CDYL2: variants seen among roughly 807,000 people sequenced by gnomAD.
The protein encoded by CDYL2 is chromodomain Y-like protein 2.
Under a neutral mutation model 49.4 loss-of-function variants are expected in CDYL2, and 23 were observed. The observed-to-expected ratio is 0.47, with a 90% CI of 0.34 to 0.66. CDYL2 has a LOEUF of 0.66. Ranked by LOEUF, CDYL2 falls within the 30% of genes least tolerant of loss-of-function variation. The pLI is 0.01. For missense variants in CDYL2, 678 were observed against 656.4 expected, an observed-to-expected ratio of 1.03 and a Z score of -0.36; for synonymous variants, 360 against 268.8, an observed-to-expected ratio of 1.34 and a Z score of -3.32.
intron 4 of CDYL2, among the ~76,000 whole-genome samples, chr16:80,618,120 C>A (rs1051455274): frequency 2.6e-5 from 4 of 152,220 alleles, no homozygotes; most frequent in Non-Finnish European, 4.4e-5. Context: ...CCCTTTGAAG[C>A]ATCGAGAAGA....
At chr16:80,791,058 G>T (rs1297006386) in intron 1 of CDYL2, among the ~76,000 whole-genome samples, 1 of 152,162 alleles carries the variant, frequency 6.6e-6, no homozygotes, top group African/African-American at 2.4e-5. Flanking sequence ...AGACTAAACA[G>T]ACGACTTCAA....
At chr16:80,718,957 TG>T (rs1223688411) in intron 1 of CDYL2, among the ~76,000 whole-genome samples, 1 of 152,110 alleles carries the variant, frequency 6.6e-6, no homozygotes, top group East Asian at 1.9e-4. Context: ...CAGATAGAAT[TG>T]TTCTTGGCAG....
chr16:80,616,832 C>A (rs1039927031), intron 4 of CDYL2, among the ~76,000 whole-genome samples: 1 of 152,214 alleles, frequency 6.6e-6, no homozygotes, highest in African/African-American at 2.4e-5. Flanking sequence ...TCTTTTTATT[C>A]TTTATCCTAG....
intron 1 of CDYL2, among the ~76,000 whole-genome samples, chr16:80,802,837 G>C (rs991953561): frequency 5.9e-5 from 9 of 152,316 alleles, no homozygotes; most frequent in Admixed American, 2.6e-4. Flanking sequence ...GAGCTTCTTA[G>C]GAATCACCCC....
intron 5 of CDYL2, among the ~76,000 whole-genome samples, chr16:80,609,927 G>A (rs1380242853): frequency 6.6e-6 from 1 of 152,104 alleles, no homozygotes; most frequent in African/African-American, 2.4e-5. Flanking sequence ...GTGTGACTCT[G>A]GGCAAGTCAC....
In CDYL2 at chr16:80,771,652, G is replaced by C. The variant is rs141232669; in HGVS notation, c.24+32498C>G. 3.3e-3 allele frequency among the ~76,000 whole-genome samples: 502 copies of C among 152,152 alleles called. 6 individuals are homozygous for C. Among genetic ancestry groups the C allele is most frequent in the African/African-American group, 0.012 (481 of 41,516 alleles). On this transcript the variant is annotated intron_variant, in intron 1 of 6. Transcript: ENST00000570137. ...CGCAGAAAATCGCTTGAATCCGGGAGGCAGGGATTGCAGTGAGCCAAGATC... is the reference window on the plus strand; with the variant it reads ...CGCAGAAAATCGCTTGAATCCGGGACGCAGGGATTGCAGTGAGCCAAGATC...
At chr16:80,730,876 AT>A (rs1905304143) in intron 1 of CDYL2, among the ~76,000 whole-genome samples, 1 of 152,250 alleles carries the variant, frequency 6.6e-6, no homozygotes, top group South Asian at 2.1e-4. Context: ...GTATGATCAC[AT>A]TTATATAAAA....
intron 1 of CDYL2, among the ~76,000 whole-genome samples, chr16:80,761,061 T>A (rs1906510742): frequency 6.6e-6 from 1 of 152,154 alleles, no homozygotes; most frequent in African/African-American, 2.4e-5. Context: ...GAAAAAGCCA[T>A]ACACTCAGTC....
chr16:80,772,811 C>T (rs1428631429), intron 1 of CDYL2, among the ~76,000 whole-genome samples: 2 of 151,748 alleles, frequency 1.3e-5, no homozygotes, highest in Non-Finnish European at 2.9e-5. Context: ...TCTAGAGTAA[C>T]CACTAAAAGA....
chr16:80,797,543 C>T (rs1449965967), intron 1 of CDYL2, among the ~76,000 whole-genome samples: 1 of 152,164 alleles, frequency 6.6e-6, no homozygotes, highest in East Asian at 1.9e-4. Flanking sequence ...ACTCAACTTT[C>T]ACCCTTCTAT....
chr16:80,681,126 A>G (rs745897777), intron 2 of CDYL2, among the ~76,000 whole-genome samples: 7 of 152,230 alleles, frequency 4.6e-5, no homozygotes, highest in African/African-American at 1.4e-4. Flanking sequence ...AACATGTTAC[A>G]TAAGTTGCTG....
chr16:80,691,050 G>A (rs8061977), intron 1 of CDYL2, among the ~76,000 whole-genome samples: 77,608 of 151,616 alleles, frequency 0.51, 21,255 homozygotes, highest in Middle Eastern at 0.69. Context: ...GGAGCAAAAA[G>A]CAAGGCCAAA....
At chr16:80,678,005 TG>T (rs879461703) in intron 2 of CDYL2, among the ~76,000 whole-genome samples, 6 of 151,678 alleles carry the variant, frequency 4.0e-5, no homozygotes, top group Non-Finnish European at 8.9e-5. Flanking sequence ...AAACAAGAAA[TG>T]GGGAAAGGAT....
intron 1 of CDYL2, among the ~76,000 whole-genome samples, chr16:80,699,541 G>T (rs768668276): frequency 2.0e-5 from 3 of 152,126 alleles, no homozygotes; most frequent in Non-Finnish European, 4.4e-5. Flanking sequence ...ATAGGGAGAG[G>T]TTAGTTAATA....
intron 1 of CDYL2, among the ~76,000 whole-genome samples, chr16:80,748,502 C>G (rs1207146009): frequency 2.3e-5 from 2 of 86,978 alleles, no homozygotes; most frequent in East Asian, 3.5e-4. Flanking sequence ...GAGCAAAACT[C>G]CATTAAAAAA....
chr16:80,612,061 C>T lies in CDYL2; in HGVS notation c.1218+565G>A, dbSNP rs769072425. Among the ~76,000 whole-genome samples the T allele has an allele frequency of 1.6e-4, 24 of 152,358 alleles. No homozygotes were observed. The highest frequency in any genetic ancestry group is 5.0e-4 in the African/African-American group (21 of 41,590). On this transcript the variant is annotated intron_variant, in intron 5 of 6. Transcript: ENST00000570137. This position sits in a 1 kb window ranked among gnomAD's most constrained non-coding sequence, Gnocchi z 5.0. Reference sequence around the variant, plus strand: ...TTCTTGCTGGACATGCGCTGGGCTGCGTCTCCCGGCCTCCCTTGCAGGCGC... The same window carrying T: ...TTCTTGCTGGACATGCGCTGGGCTGTGTCTCCCGGCCTCCCTTGCAGGCGC...
chr16:80,679,299 C>CAAAA (rs1909881472), intron 2 of CDYL2, among the ~76,000 whole-genome samples: 1 of 151,430 alleles, frequency 6.6e-6, no homozygotes, highest in African/African-American at 2.4e-5. Context: ...AATAAACAAA[C>CAAAA]AAGGAGGGTG....
At chr16:80,630,879 C>T (rs1487281853) in intron 3 of CDYL2, among the ~76,000 whole-genome samples, 1 of 152,214 alleles carries the variant, frequency 6.6e-6, no homozygotes, top group African/African-American at 2.4e-5. Flanking sequence ...CTATGCCTCC[C>T]TGATGGTACG....
chr16:80,771,178 T>C (rs75971953), intron 1 of CDYL2, among the ~76,000 whole-genome samples: 1,704 of 152,312 alleles, frequency 0.011, 34 homozygotes, highest in African/African-American at 0.038. Context: ...ATCCAATCTA[T>C]AGAAAGTAAA....
Sources: allele counts gnomAD v4.1 joint callset (sites outside exome capture counted in the v4.1 genomes callset), GRCh38; gene constraint gnomAD v4.1.1; non-coding constraint Gnocchi (gnomAD v3.1); transcripts MANE v1.5; gene names NCBI Gene and HGNC (gene_info 2026-07-23, HGNC 2026-07-21).